The following ATP2C2 variants were observed in gnomAD, a reference collection of about 807,000 sequenced individuals.
The protein encoded by ATP2C2 is calcium-transporting ATPase type 2C member 2.
A neutral mutation model predicts 110.8 loss-of-function variants in ATP2C2; 171 were observed. The observed-to-expected ratio is 1.54, with a 90% CI of 1.36 to 1.75. The LOEUF is 1.75. Ranked by LOEUF, ATP2C2 falls within the 40% of genes most tolerant of loss-of-function variation. The probability of loss-of-function intolerance (pLI) is 0.00; values close to 1 mark genes in which losing one functional copy is unlikely to be tolerated. For missense variants in ATP2C2, 1,963 were observed against 1,235.0 expected (o/e 1.59, Z -8.84); for synonymous variants, 804 against 508.4 (o/e 1.58, Z -7.82).
chr16:84,455,189 C>T (rs138365565), intron 21 of ATP2C2, among the ~76,000 whole-genome samples: 1,652 of 152,080 alleles, frequency 0.011, 14 homozygotes, highest in Admixed American at 0.016. Context: ...GTCCATGATG[C>T]CTGGGGCTAG....
At chr16:84,442,378 G>A (rs1261516322) in intron 14 of ATP2C2, 132 bp from the exon 15 acceptor site, 14 of 781,774 alleles carry the variant, frequency 1.8e-5, no homozygotes, top group Middle Eastern at 2.4e-4. Context: ...TTAAAAAGCC[G>A]GGACGCTGAG....
chr16:84,463,705 A>C lies in ATP2C2; in HGVS notation c.2814A>C (p.Arg938Ser). Reference protein sequence around the residue: ...LCEKYCCSPKRVQMHPEDV With the variant: ...LCEKYCCSPKSVQMHPEDV ...AAAAATACTGTTGCAGCCCCAAGAG[A>C]GTCCAGATGCACCCTGAAGATGTGT... is the stretch of plus-strand genomic sequence containing the variant. Residue 938 changes from arginine to serine, a missense_variant, in exon 27 of 27, where the codon AGA becomes AGC. Transcript: ENST00000262429. 6.2e-7 allele frequency: 1 copy of C among 1,614,034 alleles called. No individual in the cohort carries two copies. The highest frequency in any genetic ancestry group is 2.2e-5 in the East Asian group (1 of 44,884).
Position 84,452,104 on chromosome 16 carries a change from G to A in ATP2C2, c.1831+13G>A, listed in dbSNP as rs1472740838. Reference sequence around the variant, plus strand: ...GCCTTGGCCATAGGTAACTGGGACAGGGTCGGGGGTGAGGACGAAAGGACC... The same window carrying A: ...GCCTTGGCCATAGGTAACTGGGACAAGGTCGGGGGTGAGGACGAAAGGACC... On this transcript the variant is annotated intron_variant, in intron 18 of 26. Coordinates refer to ENST00000262429, the MANE Select transcript of ATP2C2 (RefSeq NM_014861.4). 6.2e-7 allele frequency: 1 copy of A among 1,613,626 alleles called. No homozygotes were observed. The highest frequency in any genetic ancestry group is 2.2e-5 in the East Asian group (1 of 44,892).
chr16:84,461,929 C>A, intron 25 of ATP2C2, 59 bp from the exon 26 acceptor site: 2 of 1,608,116 alleles, frequency 1.2e-6, no homozygotes, highest in Non-Finnish European at 1.7e-6. Flanking sequence ...TCAGAGCTCC[C>A]CTGCCTGTAC....
At chr16:84,447,375 A>T (rs879266036) in intron 16 of ATP2C2, among the ~76,000 whole-genome samples, 4 of 152,170 alleles carry the variant, frequency 2.6e-5, no homozygotes, top group Non-Finnish European at 4.4e-5. Flanking sequence ...TTGAAAAAGT[A>T]TAGAAATATG....
intron 3 of ATP2C2, among the ~76,000 whole-genome samples, chr16:84,405,981 A>G (rs185073933): frequency 2.6e-5 from 4 of 152,328 alleles, no homozygotes; most frequent in Admixed American, 2.6e-4. Flanking sequence ...TTTCTAGTAT[A>G]AGTGTGTCCC....
At chr16:84,443,958 A>G (rs1909505840) in intron 15 of ATP2C2, among the ~76,000 whole-genome samples, 1 of 152,136 alleles carries the variant, frequency 6.6e-6, no homozygotes. Context: ...TTTGAGGCCA[A>G]GAGTTTGAGA....
At chr16:84,456,371 C>T (rs1910789540) in intron 21 of ATP2C2, among the ~76,000 whole-genome samples, 1 of 151,988 alleles carries the variant, frequency 6.6e-6, no homozygotes, top group Non-Finnish European at 1.5e-5. Flanking sequence ...GTGTATGTGT[C>T]CACAGCCAAT....
At chr16:84,368,955 G>A (rs766201908) in intron 1 of ATP2C2, among the ~76,000 whole-genome samples, 1 of 152,226 alleles carries the variant, frequency 6.6e-6, no homozygotes, top group Non-Finnish European at 1.5e-5. Flanking sequence ...GGCCGAGAGT[G>A]GTTAAGTATA....
At chr16:84,373,588 C>G (rs1910085898) in intron 1 of ATP2C2, among the ~76,000 whole-genome samples, 1 of 152,200 alleles carries the variant, frequency 6.6e-6, no homozygotes, top group Admixed American at 6.5e-5. Flanking sequence ...CTGCCATATT[C>G]TATTCGTTTG....
chr16:84,395,891 G>C (rs1904943549), intron 1 of ATP2C2, among the ~76,000 whole-genome samples: 1 of 152,074 alleles, frequency 6.6e-6, no homozygotes, highest in Non-Finnish European at 1.5e-5. Context: ...CTGGCATTAA[G>C]TATATTCCCA....
rs1047979505 is a variant in ATP2C2 at position 84,410,495 on chromosome 16, C to T, written c.418-73C>T. 14 of 1,505,578 alleles carry T rather than the reference C, an allele frequency of 9.3e-6. No homozygotes were observed. In the South Asian group the frequency reaches 1.1e-4, roughly 12 times the overall value. The allele number at this position is 1,505,578 out of a possible 1,614,324, so 93.3% of individuals were successfully genotyped here. On this transcript the variant is annotated intron_variant, in intron 4 of 26. Coordinates refer to ENST00000262429, the MANE Select transcript of ATP2C2 (RefSeq NM_014861.4). ...GGAAATCAATCATTAAAGACAAGCC[C>T]CTAGCCTGCCACGCCCTGTCCCCCC...
rs1597869146 is a variant in ATP2C2 at position 84,453,065 on chromosome 16, C to T, written c.1832-73C>T. 5 of 1,462,696 alleles carry T rather than the reference C, an allele frequency of 3.4e-6. No individual in the cohort carries two copies. The East Asian group carries it at 7.4e-5, about 22-fold the overall frequency. 90.6% of individuals were successfully genotyped at this position (1,462,696 alleles called of 1,614,324 possible). A position where few individuals can be genotyped will look rare whatever the true frequency, so the allele number is the denominator to read the frequency against. ...GTTTTATTCTTGGTGTTCCCCATGG[C>T]CGAGGTGGGGCCGGGAGTGAGGGGT... On this transcript the variant is annotated intron_variant, in intron 18 of 26. Transcript: ENST00000262429.
intron 7 of ATP2C2, among the ~76,000 whole-genome samples, chr16:84,419,144 G>A (rs1237593413): frequency 1.4e-5 from 2 of 140,752 alleles, no homozygotes; most frequent in Admixed American, 7.7e-5. Context: ...GGGAGGTGGG[G>A]TTTTAGTGAG....
intron 24 of ATP2C2, 154 bp from the exon 25 acceptor site, chr16:84,461,560 C>CCTCA: frequency 1.4e-6 from 1 of 728,884 alleles, no homozygotes; most frequent in Non-Finnish European, 2.5e-6. Flanking sequence ...CAGCCACTGA[C>CCTCA]CTCACACCTG....
Position 84,442,605 on chromosome 16 carries a change from A to C in ATP2C2, c.1401+6A>C. On this transcript the variant is annotated splice_donor_region_variant and intron_variant, in intron 15 of 26. Coordinates refer to ENST00000262429, the MANE Select transcript of ATP2C2 (RefSeq NM_014861.4). ...TGATGGCCCTGGCGATGAAGGTAGGAGGTCCTGGGGTGGCTCTGCGGGGAA... is the reference window on the plus strand; with the variant it reads ...TGATGGCCCTGGCGATGAAGGTAGGCGGTCCTGGGGTGGCTCTGCGGGGAA... 6.2e-7 allele frequency: 1 copy of C among 1,613,496 alleles called. No individual in the cohort carries two copies. Among genetic ancestry groups the C allele is most frequent in the South Asian group, 1.1e-5 (1 of 91,042 alleles).
At chr16:84,453,548 G>T (rs1274349093) in intron 20 of ATP2C2, among the ~76,000 whole-genome samples, 177 bp downstream of exon 20, 1 of 152,102 alleles carries the variant, frequency 6.6e-6, no homozygotes, top group African/African-American at 2.4e-5. Flanking sequence ...GAGGGGAGGA[G>T]GTTGAGCAGG....
intron 17 of ATP2C2, among the ~76,000 whole-genome samples, chr16:84,451,321 C>T (rs1347409872): frequency 6.6e-6 from 1 of 152,186 alleles, no homozygotes; most frequent in Non-Finnish European, 1.5e-5. Flanking sequence ...ATTATGGGAG[C>T]TACAGTTCAA....
intron 11 of ATP2C2, among the ~76,000 whole-genome samples, chr16:84,438,875 A>T (rs1329033154): frequency 6.6e-6 from 1 of 152,214 alleles, no homozygotes; most frequent in South Asian, 2.1e-4. Flanking sequence ...AATAATGTCA[A>T]TGCAAAATAC....
Sources: allele counts gnomAD v4.1 joint callset (sites outside exome capture counted in the v4.1 genomes callset), GRCh38; gene constraint gnomAD v4.1.1; transcripts MANE v1.5; gene names NCBI Gene and HGNC (gene_info 2026-07-23, HGNC 2026-07-21).